RGSL1: variants seen among roughly 807,000 people sequenced by gnomAD.
The protein encoded by RGSL1 is regulator of G protein signaling like 1.
Under a neutral mutation model 124.7 loss-of-function variants are expected in RGSL1, and 97 were observed. That is an observed-to-expected ratio of 0.78 (90% CI 0.66 to 0.92). RGSL1 has a LOEUF of 0.92. RGSL1 is among the 40% of genes least tolerant of loss of function. RGSL1 has a pLI of 0.00. For missense variants in RGSL1, 1,233 were observed against 1,288.4 expected (o/e 0.96, Z 0.66); for synonymous variants, 424 against 438.1 (o/e 0.97, Z 0.40).
chr1:182,450,480 T>C (rs1210503407), intron 1 of RGSL1: 8 of 445,294 alleles, frequency 1.8e-5, no homozygotes, highest in Non-Finnish European at 2.9e-5. Context: ...TTTGAGATTA[T>C]GCAGTGATTT....
Position 182,553,507 on chromosome 1 carries a change from G to A in RGSL1, c.3096G>A (p.Gln1032=). 6.4e-7 allele frequency: 1 copy of A among 1,552,010 alleles called. No homozygotes were observed. The highest frequency in any genetic ancestry group is 8.7e-7 in the Non-Finnish European group (1 of 1,147,038). The change falls in exon 19 of 22, where the codon CAG becomes CAA. Residue 1032 remains glutamine, a synonymous_variant. Transcript: ENST00000294854. ...TGCTCAGAGGTATTGAGTGGTTGCAGCCTCAACGGGAAGCAATAAGTTCAG... is the reference window on the plus strand; with the variant it reads ...TGCTCAGAGGTATTGAGTGGTTGCAACCTCAACGGGAAGCAATAAGTTCAG... ...FTLLRGIEWL[Q]PQREAISSVQ...
chr1:182,554,942 G>A (rs192327886), intron 20 of RGSL1: 76 of 511,752 alleles, frequency 1.5e-4, no homozygotes, highest in African/African-American at 1.2e-3. Context: ...CTTTTCAGTA[G>A]AACAATACTG....
intron 6 of RGSL1, among the ~76,000 whole-genome samples, chr1:182,481,626 CA>C (rs1465631833): frequency 6.6e-6 from 1 of 152,124 alleles, no homozygotes; most frequent in Non-Finnish European, 1.5e-5. Flanking sequence ...GACAAAGACA[CA>C]AGAAGAAAAG....
intron 2 of RGSL1, among the ~76,000 whole-genome samples, chr1:182,454,346 T>C (rs1020654165): frequency 2.0e-5 from 3 of 152,070 alleles, no homozygotes; most frequent in Admixed American, 6.5e-5. Context: ...TTGACAGAGG[T>C]CTACCCTCAC....
chr1:182,497,531 T>C (rs1039706121), intron 9 of RGSL1, among the ~76,000 whole-genome samples: 3 of 152,012 alleles, frequency 2.0e-5, no homozygotes, highest in Non-Finnish European at 4.4e-5. Context: ...GTCAACCTAA[T>C]GCCCCACCAT....
At chr1:182,508,294 T>TG (rs1266895465) in intron 9 of RGSL1, among the ~76,000 whole-genome samples, 6 of 133,624 alleles carry the variant, frequency 4.5e-5, no homozygotes, top group Non-Finnish European at 9.6e-5. Context: ...GGTGGTGTTT[T>TG]TTTTTTTTTT....
intron 9 of RGSL1, among the ~76,000 whole-genome samples, chr1:182,521,453 G>T (rs576208526): frequency 1.3e-5 from 2 of 152,314 alleles, no homozygotes; most frequent in South Asian, 2.1e-4. Flanking sequence ...GAACTTGCAT[G>T]GTGTGCTAGA....
At chr1:182,483,767 T>C (rs1457884628) in intron 6 of RGSL1, among the ~76,000 whole-genome samples, 1 of 152,156 alleles carries the variant, frequency 6.6e-6, no homozygotes, top group African/African-American at 2.4e-5. Context: ...GTTCACTTTA[T>C]GTGGAATGGT....
At position 182,530,367 on chromosome 1, in the gene RGSL1, T is replaced by A. The variant is rs1221938508; in HGVS notation, c.2243+6T>A. The stretch of plus-strand genomic sequence containing the variant: ...AAATCTATAGAAGAAAAGTGGTGAG[T>A]ATACTCAATTAAGGAAAGGATTCTT... On this transcript the variant is annotated splice_donor_region_variant and intron_variant, in intron 12 of 21. Coordinates refer to ENST00000294854, the MANE Select transcript of RGSL1 (RefSeq NM_001137669.2). The A allele has an allele frequency of 6.5e-7, 1 of 1,542,514 alleles. No individual in the cohort carries two copies. Among genetic ancestry groups the A allele is most frequent in the Admixed American group, 2.0e-5 (1 of 50,720 alleles).
intron 4 of RGSL1, among the ~76,000 whole-genome samples, chr1:182,468,307 C>T (rs185409736): frequency 5.3e-5 from 8 of 152,260 alleles, no homozygotes; most frequent in South Asian, 4.1e-4. Flanking sequence ...ACTATAAAGA[C>T]GCATGCACAC....
At chr1:182,533,847 C>G (rs1180494260) in intron 14 of RGSL1, among the ~76,000 whole-genome samples, 1 of 152,156 alleles carries the variant, frequency 6.6e-6, no homozygotes, top group Non-Finnish European at 1.5e-5. Flanking sequence ...GAGAAAATGT[C>G]TCCTAGAAAA....
chr1:182,492,286 A>T (rs1655585056), intron 8 of RGSL1, among the ~76,000 whole-genome samples: 1 of 152,180 alleles, frequency 6.6e-6, no homozygotes, highest in Non-Finnish European at 1.5e-5. Flanking sequence ...GGAGTTCAAG[A>T]CCAGCCTGGG....
intron 4 of RGSL1, among the ~76,000 whole-genome samples, chr1:182,466,017 A>G (rs1396872559): frequency 6.6e-6 from 1 of 152,210 alleles, no homozygotes; most frequent in East Asian, 1.9e-4. Flanking sequence ...AATATACGAA[A>G]ATGAATGAAT....
At chr1:182,497,195 C>A (rs1655981211) in intron 9 of RGSL1, among the ~76,000 whole-genome samples, 1 of 151,148 alleles carries the variant, frequency 6.6e-6, no homozygotes, top group African/African-American at 2.4e-5. Flanking sequence ...TGCTTCTTGT[C>A]CTTCTTTATG....
At chr1:182,532,396 G>T (rs1428417125) in intron 13 of RGSL1, among the ~76,000 whole-genome samples, 1 of 152,088 alleles carries the variant, frequency 6.6e-6, no homozygotes, top group Admixed American at 6.6e-5. Context: ...CTTCACTGTT[G>T]AAAGGCTTTG....
chr1:182,469,483 G>T (rs770502856), intron 4 of RGSL1, among the ~76,000 whole-genome samples: 1 of 152,044 alleles, frequency 6.6e-6, no homozygotes, highest in Non-Finnish European at 1.5e-5. Context: ...CACACCCATT[G>T]TGTACCAAAA....
rs1033742800 is a variant in RGSL1, at chr1:182,458,162, C to T, written c.97-157C>T. The T allele has an allele frequency of 1.2e-5, 7 of 594,530 alleles. No homozygotes were observed. In the Admixed American group the frequency reaches 1.5e-4, roughly 13 times the overall value. 36.8% of individuals were successfully genotyped at this position (594,530 alleles called of 1,614,324 possible). On this transcript the variant is annotated intron_variant, in intron 2 of 21. Coordinates refer to ENST00000294854, the MANE Select transcript of RGSL1 (RefSeq NM_001137669.2). ...TGTTTAGAGCTTGTTTGCATGTGTG[C>T]AGGGCAAGTTGATGGAGTAGAATAA...
intron 11 of RGSL1, 124 bp downstream of exon 11, chr1:182,527,896 C>T: frequency 1.5e-6 from 1 of 678,996 alleles, no homozygotes; most frequent in Non-Finnish European, 2.4e-6. Flanking sequence ...CCACATGGGG[C>T]AATATTGAGA....
chr1:182,482,134 T>A (rs1477083968), intron 6 of RGSL1, among the ~76,000 whole-genome samples: 1 of 152,058 alleles, frequency 6.6e-6, no homozygotes, highest in African/African-American at 2.4e-5. Context: ...GAGGTAAAAA[T>A]CACATGATCA....
Sources: gnomAD v4.1 joint callset for allele counts (sites outside exome capture counted in the v4.1 genomes callset) on GRCh38, gnomAD v4.1.1 for gene constraint, MANE v1.5 for transcripts, NCBI Gene and HGNC (gene_info 2026-07-23, HGNC 2026-07-21) for gene names.